Variants in ZNF177 observed in about 807,000 individuals in gnomAD.
ZNF177 encodes the protein zinc finger protein 177.
ZNF177 carries 17 observed loss-of-function variants against 19.4 expected under a neutral mutation model. The ratio of observed to expected loss-of-function variants is 0.87; its 90% CI spans 0.60 to 1.31. The LOEUF (loss-of-function observed/expected upper bound fraction) is 1.31. Ranked by LOEUF, ZNF177 falls within the 40% of genes most tolerant of loss-of-function variation. ZNF177 has a pLI of 0.00. For synonymous variants in ZNF177, 220 were observed against 188.7 expected (o/e 1.17, Z -1.36); for missense variants, 633 against 561.8 (o/e 1.13, Z -1.28).
At chr19:9,370,450 G>A (rs927515964) in intron 2 of ZNF177, among the ~76,000 whole-genome samples, 1 of 148,854 alleles carries the variant, frequency 6.7e-6, no homozygotes, top group Non-Finnish European at 1.5e-5. Context: ...GTCTCATTCT[G>A]TTGCTCAGGC....
intron 1 of ZNF177, among the ~76,000 whole-genome samples, 184 bp from the exon 4 acceptor site, chr19:9,378,075 A>G (rs1464168333): frequency 1.3e-5 from 2 of 152,192 alleles, no homozygotes; most frequent in African/African-American, 4.8e-5. Context: ...AAAGTCCAAG[A>G]AAAAATGAAA....
intron 5 of ZNF177, among the ~76,000 whole-genome samples, 185 bp downstream of exon 7, chr19:9,380,324 CACTT>C (rs768201702): frequency 7.3e-5 from 11 of 151,408 alleles, no homozygotes; most frequent in Non-Finnish European, 1.3e-4. Flanking sequence ...CCTAGGTTAA[CACTT>C]GCTGGCTCAC....
At chr19:9,380,265 T>C (rs762317077) in intron 5 of ZNF177, 126 bp downstream of exon 7, 1 of 1,203,802 alleles carries the variant, frequency 8.3e-7, no homozygotes, top group African/African-American at 1.6e-5. Flanking sequence ...GAAAGCTGTC[T>C]CGGGAGAGTT....
chr19:9,379,922 C>T, intron 4 of ZNF177, 135 bp from the exon 7 acceptor site: 1 of 1,063,056 alleles, frequency 9.4e-7, no homozygotes, highest in African/African-American at 1.6e-5. Flanking sequence ...TGGTGAATCA[C>T]TGGTTGTGTC....
At chr19:9,375,846 C>T (rs148468724), upstream of ZNF177, among the ~76,000 whole-genome samples, 69 of 152,148 alleles carry the variant, frequency 4.5e-4, no homozygotes, top group East Asian at 9.9e-3. Flanking sequence ...ATTATTATTT[C>T]CTTCCTTGTA....
At chr19:9,380,907 G>A (rs1249473246) in exon 6 of ZNF177, 2 of 1,536,166 alleles carry the variant, frequency 1.3e-6, no homozygotes, top group Non-Finnish European at 8.7e-7. Flanking sequence ...CATCCCTCAG[G>A]AAACACTTAA....
exon 4 of ZNF177, chr19:9,379,612 C>G (rs750081563): frequency 6.2e-7 from 1 of 1,613,682 alleles, no homozygotes; most frequent in South Asian, 1.1e-5. Context: ...TACAAGGTGA[C>G]TGTGCAGGTG....
chr19:9,374,276 C>T (rs1265534938), upstream of ZNF177, among the ~76,000 whole-genome samples: 1 of 152,118 alleles, frequency 6.6e-6, no homozygotes, highest in African/African-American at 2.4e-5. Flanking sequence ...ATGCCAGTAC[C>T]ATACTATTTT....
At chr19:9,368,688 T>C (rs1169205053) in intron 2 of ZNF177, among the ~76,000 whole-genome samples, 2 of 152,162 alleles carry the variant, frequency 1.3e-5, no homozygotes, top group Non-Finnish European at 2.9e-5. Flanking sequence ...GTTGTGGTAC[T>C]TAGAACTAAT....
Position 9,381,403 on chromosome 19 carries a change from CAT to C in ZNF177, c.1073_1074del (p.His358ArgfsTer11), listed in dbSNP as rs765838621. 6.9e-5 allele frequency: 111 copies of C among 1,613,022 alleles called. No homozygotes were observed. Among genetic ancestry groups the C allele is most frequent in the African/African-American group, 1.2e-4 (9 of 74,456 alleles). ...CACTGTTCCTTCATCCCTTCAGAAACATGTGAGAACCCACACTGGAGAGAAAC... is the reference window on the plus strand; with the variant it reads ...CACTGTTCCTTCATCCCTTCAGAAACGTGAGAACCCACACTGGAGAGAAAC... On this transcript the variant is annotated frameshift_variant, in exon 6 of 6. Transcript: ENST00000589262. LOFTEE classifies it low-confidence loss of function (END_TRUNC).
chr19:9,379,204 G>A, intron 3 of ZNF177, 116 bp downstream of exon 5: 1 of 1,432,954 alleles, frequency 7.0e-7, no homozygotes, highest in East Asian at 2.5e-5. Flanking sequence ...AAAATGAATG[G>A]TCCCTGCCCT....
chr19:9,381,448 T>C (rs914129420), exon 6 of ZNF177: 1 of 1,611,584 alleles, frequency 6.2e-7, no homozygotes. Flanking sequence ...ATGCAGTGAC[T>C]GTGGAAAAGC....
intron 2 of ZNF177, among the ~76,000 whole-genome samples, chr19:9,366,095 G>A (rs974895812): frequency 1.3e-5 from 2 of 152,056 alleles, no homozygotes; most frequent in African/African-American, 4.8e-5. Context: ...TGATTCTCCT[G>A]CCTCAGCCTC....
At chr19:9,381,576 G>C (rs557392973) in exon 6 of ZNF177, 2 of 1,614,044 alleles carry the variant, frequency 1.2e-6, no homozygotes, top group Admixed American at 1.7e-5. Context: ...TTGTGCACAA[G>C]AGAACTCACA....
At chr19:9,380,752 T>C (rs1440223673) in exon 6 of ZNF177, 1 of 1,536,102 alleles carries the variant, frequency 6.5e-7, no homozygotes, top group Non-Finnish European at 8.7e-7. Context: ...TTGTACAAGA[T>C]ATTGCAAGGG....
intron 1 of ZNF177, among the ~76,000 whole-genome samples, chr19:9,363,642 C>A (rs575411420): frequency 1.3e-5 from 2 of 152,188 alleles, no homozygotes; most frequent in South Asian, 4.1e-4. Flanking sequence ...ATGTGTAATT[C>A]CTAGGTATGA....
At chr19:9,381,302 G>A (rs1243595727) in exon 6 of ZNF177, 29 of 1,613,894 alleles carry the variant, frequency 1.8e-5, no homozygotes, top group Non-Finnish European at 2.4e-5. Context: ...TTTAGCCAGA[G>A]CTCTCATCTG....
intron 1 of ZNF177, 74 bp from the exon 4 acceptor site, chr19:9,378,185 A>C (rs963233687): frequency 7.2e-7 from 1 of 1,397,372 alleles, no homozygotes; most frequent in African/African-American, 1.5e-5. Context: ...CTTTAGTAAG[A>C]AGAAGCTTCC....
chr19:9,382,150 CCCTT>C (rs1254552981), exon 6 of ZNF177: 2 of 398,404 alleles, frequency 5.0e-6, no homozygotes, highest in Admixed American at 8.0e-5. Context: ...ATCCATTCCT[CCCTT>C]CTTTCTTAAA....
Sources: gnomAD v4.1 joint callset for allele counts (sites outside exome capture counted in the v4.1 genomes callset) on GRCh38, gnomAD v4.1.1 for gene constraint, MANE v1.5 for transcripts, NCBI Gene and HGNC (gene_info 2026-07-23, HGNC 2026-07-21) for gene names.